Variants in NODAL observed in about 807,000 individuals in gnomAD.
NODAL encodes nodal homolog.
NODAL carries 12 observed loss-of-function variants against 34.0 expected under a neutral mutation model. The ratio of observed to expected loss-of-function variants is 0.35; its 90% CI spans 0.23 to 0.57. The LOEUF (loss-of-function observed/expected upper bound fraction) is 0.57, where lower values mean the gene tolerates loss of function less well. NODAL is among the 20% of genes least tolerant of loss of function. NODAL has a pLI of 0.83. For missense variants in NODAL, 390 were observed against 444.2 expected (o/e 0.88, Z 1.10); for synonymous variants, 162 against 186.4 (o/e 0.87, Z 1.07).
chr10:70,444,293 T>C (rs145595582), upstream of NODAL, among the ~76,000 whole-genome samples: 5 of 150,358 alleles, frequency 3.3e-5, no homozygotes, highest in South Asian at 2.1e-4. Flanking sequence ...TGAGAGGGCA[T>C]GGTCATCTAC....
intron 1 of NODAL, chr10:70,436,584 T>C (rs1845358709): frequency 1.5e-5 from 2 of 133,876 alleles, no homozygotes. Flanking sequence ...AAAGAGTGAC[T>C]TGTTTTACAG....
At chr10:70,442,490 C>T (rs988779365), upstream of NODAL, among the ~76,000 whole-genome samples, 1 of 152,228 alleles carries the variant, frequency 6.6e-6, no homozygotes, top group African/African-American at 2.4e-5. Flanking sequence ...GATCTCTGGG[C>T]TCAGCTTTCC....
upstream of NODAL, among the ~76,000 whole-genome samples, chr10:70,443,764 A>G (rs1441314667): frequency 6.6e-6 from 1 of 151,850 alleles, no homozygotes; most frequent in African/African-American, 2.4e-5. Context: ...GCTTGAACCC[A>G]GGAGGCGGAG....
At chr10:70,444,329 CTTTTTT>C (rs34924993), upstream of NODAL, among the ~76,000 whole-genome samples, 1 of 124,166 alleles carries the variant, frequency 8.1e-6, no homozygotes, top group Non-Finnish European at 1.8e-5. Context: ...TCCAGTGATA[CTTTTTT>C]TTTTTTTTTT....
chr10:70,433,782 G>C (rs932471572), intron 2 of NODAL, among the ~76,000 whole-genome samples: 1 of 152,204 alleles, frequency 6.6e-6, no homozygotes, highest in Non-Finnish European at 1.5e-5. Flanking sequence ...AAGCAGAATA[G>C]TTAGTCATGT....
Position 70,432,779 on chromosome 10 carries a change from A to C in NODAL, c.*157T>G. ...TTGGCCAGACTCCACTGAGCCCTTC[A>C]TTTACAGAGTGGGCAGCCCCTCCTC... On this transcript the variant is annotated 3_prime_UTR_variant, in exon 3 of 3. Coordinates refer to ENST00000287139, the MANE Select transcript of NODAL (RefSeq NM_018055.5). 1.2e-6 allele frequency: 1 copy of C among 817,680 alleles called. No homozygotes were observed. The highest frequency in any genetic ancestry group is 2.0e-6 in the Non-Finnish European group (1 of 489,798). The allele number at this position is 817,680 out of a possible 1,614,324, so 50.7% of individuals were successfully genotyped here. A position where few individuals can be genotyped will look rare whatever the true frequency, so the allele number is the denominator to read the frequency against.
chr10:70,440,360 C>G (rs1024628194), intron 1 of NODAL, among the ~76,000 whole-genome samples: 1 of 152,196 alleles, frequency 6.6e-6, no homozygotes. Flanking sequence ...TTCTCATTGC[C>G]CCGCCCCCGA....
intron 1 of NODAL, 47 bp downstream of exon 1, chr10:70,441,427 AG>A: frequency 6.5e-7 from 1 of 1,534,138 alleles, no homozygotes; most frequent in Non-Finnish European, 8.8e-7. Context: ...GACGCGGCGG[AG>A]GCGCCCCGGG....
upstream of NODAL, among the ~76,000 whole-genome samples, chr10:70,445,414 C>A (rs891169873): frequency 6.6e-6 from 1 of 152,046 alleles, no homozygotes; most frequent in African/African-American, 2.4e-5. Flanking sequence ...CCCCCCACCA[C>A]GCCCGGCTAA....
chr10:70,441,792 G>GGGGTTA, upstream of NODAL: 1 of 1,037,926 alleles, frequency 9.6e-7, no homozygotes, highest in Non-Finnish European at 1.4e-6. Flanking sequence ...CCTCCGGAGG[G>GGGGTTA]TGGGGGGCAG....
upstream of NODAL, chr10:70,441,773 T>A (rs1845435321): frequency 8.3e-7 from 1 of 1,211,628 alleles, no homozygotes; most frequent in Non-Finnish European, 1.2e-6. Flanking sequence ...TTTAAGATCA[T>A]ATAACCCCCC....
At chr10:70,441,403 G>T in intron 1 of NODAL, 72 bp downstream of exon 1, 1 of 1,504,052 alleles carries the variant, frequency 6.6e-7, no homozygotes, top group Non-Finnish European at 8.9e-7. Context: ...AGCACTTCCC[G>T]AGTCCGCTGG....
chr10:70,445,279 A>G (rs1225959473), upstream of NODAL, among the ~76,000 whole-genome samples: 1 of 152,050 alleles, frequency 6.6e-6, no homozygotes, highest in Non-Finnish European at 1.5e-5. Flanking sequence ...ATTTTTTGAG[A>G]CGGAGTCTCG....
At chr10:70,438,018 G>A (rs968426700) in intron 1 of NODAL, among the ~76,000 whole-genome samples, 39 of 152,156 alleles carry the variant, frequency 2.6e-4, no homozygotes, top group African/African-American at 8.4e-4. Context: ...GGCCAGGTGC[G>A]GTGGGTCACT....
chr10:70,444,598 G>A (rs138357832), upstream of NODAL, among the ~76,000 whole-genome samples: 4 of 152,278 alleles, frequency 2.6e-5, no homozygotes, highest in East Asian at 3.9e-4. Flanking sequence ...GCCTCCATAA[G>A]TGCTGGGATT....
At chr10:70,440,900 C>T (rs1260087692) in intron 1 of NODAL, among the ~76,000 whole-genome samples, 1 of 152,182 alleles carries the variant, frequency 6.6e-6, no homozygotes, top group East Asian at 1.9e-4. Flanking sequence ...TGCCGATACT[C>T]CCGACGTCAC....
intron 1 of NODAL, 138 bp from the exon 2 acceptor site, chr10:70,436,121 T>A: frequency 1.3e-6 from 1 of 751,082 alleles, no homozygotes; most frequent in Non-Finnish European, 2.3e-6. Context: ...CCCAACTCTA[T>A]GAGTTGGTAA....
chr10:70,436,549 A>C, intron 1 of NODAL: 1 of 122,842 alleles, frequency 8.1e-6, no homozygotes, highest in Non-Finnish European at 1.6e-5. Context: ...CAAGAGTGAA[A>C]CTCTGTCTCA....
chr10:70,435,678 C>T lies in NODAL; in HGVS notation c.499G>A (p.Gly167Arg), dbSNP rs769295171. The T allele has an allele frequency of 8.7e-6, 14 of 1,613,974 alleles. No individual in the cohort carries two copies. The Admixed American group carries it at 2.2e-4, about 25-fold the overall frequency. The change falls in exon 2 of 3, where the codon GGG becomes AGG. Residue 167 changes from glycine (G) to arginine (R), a missense_variant. Gly to Arg is a moderately radical substitution (Grantham distance 125). Coordinates refer to ENST00000287139, the MANE Select transcript of NODAL (RefSeq NM_018055.5). ...RPLSKWLKHPGALEKQMSRVA... is the reference protein window; with the variant it reads ...RPLSKWLKHPRALEKQMSRVA... ...CTGGACATCTGCTTCTCCAGGGCCC[C>T]AGGGTGCTTCAGCCACTTGGAGAGA...
Sources: allele counts gnomAD v4.1 joint callset (sites outside exome capture counted in the v4.1 genomes callset), GRCh38; gene constraint gnomAD v4.1.1; transcripts MANE v1.5; gene names NCBI Gene and HGNC (gene_info 2026-07-23, HGNC 2026-07-21).